DCLK2: variants seen among roughly 807,000 people sequenced by gnomAD.
DCLK2 encodes serine/threonine-protein kinase DCLK2.
DCLK2 carries 31 observed loss-of-function variants against 78.4 expected under a neutral mutation model. The observed-to-expected ratio is 0.40, with a 90% confidence interval of 0.30 to 0.53. The LOEUF (loss-of-function observed/expected upper bound fraction) is 0.53. DCLK2 is among the 20% of genes least tolerant of loss of function. The pLI, the probability that DCLK2 is intolerant of heterozygous loss-of-function variation, is 0.61. For missense variants in DCLK2, 872 were observed against 973.7 expected (o/e 0.90, Z 1.39); for synonymous variants, 407 against 374.9 (o/e 1.09, Z -0.99).
chr4:150,226,284 G>T, intron 8 of DCLK2, among the ~76,000 whole-genome samples: 1 of 147,326 alleles, frequency 6.8e-6, no homozygotes, highest in South Asian at 2.1e-4. Context: ...TGCATAGACT[G>T]TGCAAAATGC....
chr4:150,199,654 A>G (rs1002768339), intron 4 of DCLK2, among the ~76,000 whole-genome samples: 2 of 152,228 alleles, frequency 1.3e-5, no homozygotes, highest in South Asian at 2.1e-4. Context: ...GTGACAATTA[A>G]CAATGAGCAT....
intron 4 of DCLK2, among the ~76,000 whole-genome samples, chr4:150,203,420 T>C (rs889964043): frequency 1.1e-4 from 17 of 152,338 alleles, no homozygotes; most frequent in African/African-American, 4.1e-4. Context: ...ATAGTGGATA[T>C]TGAAGGTTAT....
At chr4:150,215,177 A>G (rs568324737) in intron 5 of DCLK2, among the ~76,000 whole-genome samples, 38 of 152,304 alleles carry the variant, frequency 2.5e-4, no homozygotes, top group African/African-American at 9.1e-4. Context: ...TGACACCAAA[A>G]AAAACAATAA....
intron 8 of DCLK2, among the ~76,000 whole-genome samples, chr4:150,227,541 G>A (rs1741710739): frequency 6.6e-6 from 1 of 152,196 alleles, no homozygotes; most frequent in Non-Finnish European, 1.5e-5. Context: ...ACCAGGTGGT[G>A]AGAACAGTCT....
chr4:150,255,750 A>C (rs1170525048), intron 15 of DCLK2, among the ~76,000 whole-genome samples: 2 of 152,202 alleles, frequency 1.3e-5, no homozygotes, highest in African/African-American at 4.8e-5. Context: ...GAACCCAGGC[A>C]CAGCCCAAAG....
At chr4:150,205,088 T>G (rs1739754917) in intron 5 of DCLK2, among the ~76,000 whole-genome samples, 1 of 152,164 alleles carries the variant, frequency 6.6e-6, no homozygotes, top group African/African-American at 2.4e-5. Context: ...ACACTTCAAA[T>G]ATAGCCCTAG....
Position 150,102,584 on chromosome 4 carries a change from G to T in DCLK2, c.528G>T (p.Ala176=). ...SVNIKGGTSR[A]LAAASSVKSE... ...ACATCAAGGGTGGGACATCCCGAGC[G>T]CTGGCTGCTGCCTCCTCTGTGAAAA... Residue 176 remains alanine (A), a synonymous_variant, in exon 2 of 16, where the codon GCG becomes GCT. Coordinates refer to ENST00000296550, the MANE Select transcript of DCLK2 (RefSeq NM_001040260.4). 5.6e-6 allele frequency: 9 copies of T among 1,614,128 alleles called. No individual in the cohort carries two copies. Among genetic ancestry groups the T allele is most frequent in the South Asian group, 1.1e-5 (1 of 91,080 alleles).
chr4:150,118,717 GGC>G (rs1383934247), intron 2 of DCLK2, among the ~76,000 whole-genome samples: 2 of 152,054 alleles, frequency 1.3e-5, no homozygotes, highest in East Asian at 3.9e-4. Flanking sequence ...CAATTTTGTT[GGC>G]CAGGCACAGT....
intron 3 of DCLK2, among the ~76,000 whole-genome samples, chr4:150,193,835 C>T (rs573155022): frequency 6.6e-6 from 1 of 152,136 alleles, no homozygotes; most frequent in South Asian, 2.1e-4. Context: ...GCAGCCTTGA[C>T]TGTGCTGCTG....
intron 2 of DCLK2, among the ~76,000 whole-genome samples, chr4:150,105,888 T>C (rs2150158344): frequency 6.6e-6 from 1 of 152,154 alleles, no homozygotes; most frequent in East Asian, 1.9e-4. Flanking sequence ...TTAAAGCTAA[T>C]TCAGAAGGAA....
intron 5 of DCLK2, among the ~76,000 whole-genome samples, chr4:150,216,374 C>G (rs1740719670): frequency 6.6e-6 from 1 of 152,220 alleles, no homozygotes; most frequent in Non-Finnish European, 1.5e-5. Context: ...TGCAGCGGCT[C>G]ATGCCTGTAA....
At chr4:150,105,980 A>G (rs1462973387) in intron 2 of DCLK2, among the ~76,000 whole-genome samples, 1 of 152,132 alleles carries the variant, frequency 6.6e-6, no homozygotes, top group African/African-American at 2.4e-5. Flanking sequence ...CTCAAAAACA[A>G]AAACTCAAGC....
At chr4:150,236,393 G>A (rs1742512004) in intron 10 of DCLK2, among the ~76,000 whole-genome samples, 1 of 152,220 alleles carries the variant, frequency 6.6e-6, no homozygotes, top group African/African-American at 2.4e-5. Context: ...CTGGCCATAT[G>A]ACTAGTAACC....
intron 12 of DCLK2, 87 bp from the exon 13 acceptor site, chr4:150,247,516 T>A (rs560998558): frequency 6.4e-6 from 7 of 1,093,546 alleles, no homozygotes; most frequent in Non-Finnish European, 9.6e-6. Context: ...GAGACTGGAC[T>A]CCTTTCCCCG....
chr4:150,249,280 T>G (rs1053715235), intron 14 of DCLK2, among the ~76,000 whole-genome samples: 1 of 152,160 alleles, frequency 6.6e-6, no homozygotes, highest in Non-Finnish European at 1.5e-5. Context: ...CTCAGTAGCC[T>G]AAAGTGTGTC....
rs777679196 is a variant in DCLK2, at chr4:150,193,246, G to A, written c.859+6G>A. On this transcript the variant is annotated splice_donor_region_variant and intron_variant, in intron 3 of 15. Transcript: ENST00000296550. ...CTTTGTCCTGGATCATAGTGGTAAG[G>A]CAATTCTTCAGCTAATTCATTTTTC... The A allele has an allele frequency of 3.8e-6, 6 of 1,566,004 alleles. No individual in the cohort carries two copies. Among genetic ancestry groups the A allele is most frequent in the Non-Finnish European group, 5.3e-6 (6 of 1,141,858 alleles).
intron 2 of DCLK2, among the ~76,000 whole-genome samples, chr4:150,135,661 T>C (rs1326464509): frequency 6.6e-6 from 1 of 152,202 alleles, no homozygotes; most frequent in Non-Finnish European, 1.5e-5. Context: ...AGGATAAGGA[T>C]TTGCTCATCT....
chr4:150,156,875 A>G (rs113283498), intron 2 of DCLK2, among the ~76,000 whole-genome samples: 47 of 151,408 alleles, frequency 3.1e-4, no homozygotes, highest in African/African-American at 9.2e-4. Flanking sequence ...GGGTCAAGCA[A>G]TCCTCCCACC....
At position 150,175,074 on chromosome 4, in the gene DCLK2, T is replaced by TTA. The variant is rs1736910185; in HGVS notation, c.757-18058_757-18057dup. On this transcript the variant is annotated intron_variant, in intron 2 of 15. Coordinates refer to ENST00000296550, the MANE Select transcript of DCLK2 (RefSeq NM_001040260.4). Reference sequence around the variant, plus strand: ...TATTTATATATATATTTATATATATTTATATATTTATATATATATTTATAT... The same window carrying TTA: ...TATTTATATATATATTTATATATATTTATATATATTTATATATATATTTATAT... 2.5e-4 allele frequency among the ~76,000 whole-genome samples: 2 copies of TTA among 7,960 alleles called. 1 individual carries two copies. The highest frequency in any genetic ancestry group is 5.4e-4 in the African/African-American group (2 of 3,726). The allele number at this position is 7,960 out of a possible 152,430, so 5.2% of individuals were successfully genotyped here.
Sources: allele counts gnomAD v4.1 joint callset (sites outside exome capture counted in the v4.1 genomes callset), GRCh38; gene constraint gnomAD v4.1.1; transcripts MANE v1.5; gene names NCBI Gene and HGNC (gene_info 2026-07-23, HGNC 2026-07-21).